RALYL: variants seen among roughly 807,000 people sequenced by gnomAD.
The protein encoded by RALYL is RALY RNA binding protein like, also known as RNA-binding Raly-like protein.
Under a neutral mutation model 35.1 loss-of-function variants are expected in RALYL, and 29 were observed. That is an observed-to-expected ratio of 0.83 (90% CI 0.61 to 1.13). The LOEUF (loss-of-function observed/expected upper bound fraction) is 1.13. Ranked by LOEUF, RALYL falls within the 50% of genes most tolerant of loss-of-function variation. The pLI is 0.00. For synonymous variants in RALYL, 120 were observed against 127.6 expected (o/e 0.94, Z 0.40); for missense variants, 359 against 360.4 (o/e 1.00, Z 0.03).
chr8:84,352,025 C>T (rs746007587), intron 1 of RALYL, among the ~76,000 whole-genome samples: 11 of 150,300 alleles, frequency 7.3e-5, no homozygotes, highest in Non-Finnish European at 1.6e-4. Context: ...TCTTACCCCA[C>T]ATTGGAGACG....
chr8:84,289,228 CAGGTCCTTG>C (rs1838280982), intron 1 of RALYL, among the ~76,000 whole-genome samples: 1 of 152,070 alleles, frequency 6.6e-6, no homozygotes, highest in Non-Finnish European at 1.5e-5. Context: ...AGATGGCTGC[CAGGTCCTTG>C]AGAAAGAGAT....
chr8:84,842,804 C>G (rs1372503561), intron 4 of RALYL, among the ~76,000 whole-genome samples: 5 of 152,164 alleles, frequency 3.3e-5, no homozygotes, highest in Admixed American at 6.5e-5. Context: ...GGATGCAAGG[C>G]TGGTTCAACA....
At chr8:84,651,241 TTAAAA>T (rs1437127219) in intron 2 of RALYL, among the ~76,000 whole-genome samples, 4 of 151,674 alleles carry the variant, frequency 2.6e-5, no homozygotes, top group East Asian at 3.9e-4. Context: ...ATTAAAAAAA[TTAAAA>T]TAAAATAAAA....
At chr8:84,863,054 G>A (rs1838439633) in intron 6 of RALYL, among the ~76,000 whole-genome samples, 2 of 152,214 alleles carry the variant, frequency 1.3e-5, no homozygotes, top group Non-Finnish European at 2.9e-5. Flanking sequence ...TTTTTATATG[G>A]AGTGATACAG....
chr8:84,381,882 G>A (rs2131611582), intron 1 of RALYL, among the ~76,000 whole-genome samples: 1 of 151,376 alleles, frequency 6.6e-6, no homozygotes, highest in Admixed American at 6.6e-5. Context: ...TTTCCTTGTT[G>A]TTCCTTTCTC....
intron 2 of RALYL, among the ~76,000 whole-genome samples, chr8:84,590,134 A>T (rs2130500637): frequency 6.6e-6 from 1 of 152,314 alleles, no homozygotes; most frequent in Admixed American, 6.5e-5. Context: ...ACTCCTAAAA[A>T]TAGCAAAAGG....
intron 1 of RALYL, among the ~76,000 whole-genome samples, chr8:84,224,848 G>T (rs1563563384): frequency 6.6e-6 from 1 of 151,956 alleles, no homozygotes; most frequent in Non-Finnish European, 1.5e-5. Flanking sequence ...GTAGAGACAG[G>T]GTTTCACCAT....
chr8:84,223,077 CCCTGCCTTTCCTTT>C (rs1822689278), intron 1 of RALYL, among the ~76,000 whole-genome samples: 1 of 120,942 alleles, frequency 8.3e-6, no homozygotes, highest in Non-Finnish European at 1.9e-5. Flanking sequence ...TCTCCCTTTG[CCCTGCCTTTCCTTT>C]CCTTTCCTTT....
At chr8:84,557,891 A>G (rs537995010) in intron 2 of RALYL, among the ~76,000 whole-genome samples, 72 of 152,304 alleles carry the variant, frequency 4.7e-4, no homozygotes, top group African/African-American at 1.6e-3. Context: ...CAATGCAGTC[A>G]TTAGGAGCAT....
At chr8:84,919,591 A>C (rs1306943747) in intron 8 of RALYL, among the ~76,000 whole-genome samples, 1 of 152,048 alleles carries the variant, frequency 6.6e-6, no homozygotes, top group Non-Finnish European at 1.5e-5. Context: ...ATATGTGATC[A>C]GTGTACAGTA....
chr8:84,540,053 C>G (rs2059918913), intron 2 of RALYL, among the ~76,000 whole-genome samples: 1 of 151,122 alleles, frequency 6.6e-6, no homozygotes, highest in Admixed American at 6.6e-5. Flanking sequence ...TTGTTTATTC[C>G]CGGTCTATTT....
At chr8:84,196,105 T>G (rs928869186) in intron 1 of RALYL, among the ~76,000 whole-genome samples, 2 of 152,254 alleles carry the variant, frequency 1.3e-5, no homozygotes, top group Non-Finnish European at 2.9e-5. Context: ...ATGATATAGC[T>G]TTATTGATAA....
chr8:84,521,040 G>A (rs1464623011), intron 1 of RALYL, among the ~76,000 whole-genome samples: 1 of 152,152 alleles, frequency 6.6e-6, no homozygotes, highest in Non-Finnish European at 1.5e-5. Context: ...AACTGCTGTG[G>A]ATTGAAATAT....
intron 1 of RALYL, among the ~76,000 whole-genome samples, chr8:84,297,998 G>T (rs543983666): frequency 1.3e-5 from 2 of 152,152 alleles, no homozygotes; most frequent in East Asian, 3.9e-4. Flanking sequence ...AGCTTATTCT[G>T]TTGATACTTT....
At chr8:84,871,027 C>T (rs1215635435) in intron 6 of RALYL, among the ~76,000 whole-genome samples, 1 of 152,136 alleles carries the variant, frequency 6.6e-6, no homozygotes, top group Non-Finnish European at 1.5e-5. Context: ...AACTGAGCAG[C>T]CTGCATAGGG....
intron 2 of RALYL, among the ~76,000 whole-genome samples, chr8:84,614,954 T>A (rs1819126696): frequency 6.6e-6 from 1 of 151,624 alleles, no homozygotes. Context: ...TCCTGAAACC[T>A]GCCCTTGAGG....
intron 1 of RALYL, among the ~76,000 whole-genome samples, chr8:84,379,691 A>T (rs1250713571): frequency 6.6e-6 from 1 of 151,834 alleles, no homozygotes; most frequent in Non-Finnish European, 1.5e-5. Context: ...CAAAAAACTA[A>T]AAGAAGAGAT....
intron 2 of RALYL, among the ~76,000 whole-genome samples, chr8:84,681,088 G>C (rs185980969): frequency 0.021 from 3,216 of 150,832 alleles, 123 homozygotes; most frequent in African/African-American, 0.073. Flanking sequence ...GTTTTCCCAG[G>C]ACCATTTATT....
At chr8:84,528,361 GGGAAGGAA>G (rs962154934) in intron 1 of RALYL, among the ~76,000 whole-genome samples, 7 of 151,780 alleles carry the variant, frequency 4.6e-5, no homozygotes, top group African/African-American at 1.7e-4. Context: ...AAGGAAAGAA[GGGAAGGAA>G]GGAAGGAAGG....
Sources: allele counts gnomAD v4.1 joint callset (sites outside exome capture counted in the v4.1 genomes callset), GRCh38; gene constraint gnomAD v4.1.1; transcripts MANE v1.5; gene names NCBI Gene and HGNC (gene_info 2026-07-23, HGNC 2026-07-21).